Variants in WAPL observed in about 807,000 individuals in gnomAD.
WAPL encodes wings apart-like protein homolog.
WAPL carries 5 observed loss-of-function variants against 121.0 expected under a neutral mutation model. The observed-to-expected ratio is 0.04, with a 90% CI of 0.02 to 0.09. The LOEUF (loss-of-function observed/expected upper bound fraction) is 0.09. WAPL is among the 10% of genes least tolerant of loss of function. The pLI, the probability that WAPL is intolerant of heterozygous loss-of-function variation, is 1.00. For synonymous variants in WAPL, 480 were observed against 481.5 expected (o/e 1.00, Z 0.04); for missense variants, 999 against 1,410.8 (o/e 0.71, Z 4.68).
At chr10:86,438,105 G>T in intron 17 of WAPL, 90 bp from the exon 18 acceptor site, 1 of 902,312 alleles carries the variant, frequency 1.1e-6, no homozygotes, top group Non-Finnish European at 1.7e-6. Flanking sequence ...CACACATCTT[G>T]GTGCAAATTT....
intron 1 of WAPL, among the ~76,000 whole-genome samples, chr10:86,520,837 C>G (rs1452416881): frequency 6.6e-6 from 1 of 151,572 alleles, no homozygotes; most frequent in Non-Finnish European, 1.5e-5. Flanking sequence ...AGCGTCTTCC[C>G]GATCCCCAAA....
chr10:86,505,784 CAAA>C (rs1338548621), intron 2 of WAPL, among the ~76,000 whole-genome samples: 1 of 151,830 alleles, frequency 6.6e-6, no homozygotes, highest in African/African-American at 2.4e-5. Flanking sequence ...AATACAATTT[CAAA>C]AAGAACAAGG....
intron 2 of WAPL, among the ~76,000 whole-genome samples, chr10:86,517,023 C>T (rs1431002935): frequency 1.3e-5 from 2 of 152,020 alleles, no homozygotes; most frequent in African/African-American, 4.8e-5. Flanking sequence ...GCGGAGCCAG[C>T]ATGGGCGACA....
rs779598009 is a variant in WAPL at position 86,453,649 on chromosome 10, AT to A, written c.2833+6del. 4.5e-5 allele frequency: 71 copies of A among 1,591,770 alleles called. No individual in the cohort carries two copies. Among genetic ancestry groups the A allele is most frequent in the Non-Finnish European group, 6.0e-5 (70 of 1,171,888 alleles). ...TTCAATGAGAAAAAAATGGAAAAAA[AT>A]CTTACCATTATCATTAGTTAAATTA... On this transcript the variant is annotated splice_donor_region_variant and intron_variant, in intron 13 of 18. Transcript: ENST00000298767.
rs571832986 is a variant in WAPL at position 86,489,287 on chromosome 10, A to C, written c.1644+7914T>G. On this transcript the variant is annotated intron_variant, in intron 4 of 18. Coordinates refer to ENST00000298767, the MANE Select transcript of WAPL (RefSeq NM_015045.5). ...TTTAGGAGACATGGGGGTGTAGTTT[A>C]GTTGTTTTGCTATAAAGAACATTAC... Among the ~76,000 whole-genome samples, 3 of 152,344 alleles carry C rather than the reference A, an allele frequency of 2.0e-5. No homozygotes were observed. The East Asian group carries it at 5.8e-4, about 29-fold the overall frequency.
chr10:86,436,922 T>TA lies in WAPL; in HGVS notation c.*620dup, dbSNP rs924241871. 4 of 152,570 alleles carry TA rather than the reference T, an allele frequency of 2.6e-5. No homozygotes were observed. The South Asian group carries it at 6.2e-4, about 24-fold the overall frequency. The allele number at this position is 152,570 out of a possible 1,614,324, so 9.5% of individuals were successfully genotyped here. On this transcript the variant is annotated 3_prime_UTR_variant, in exon 19 of 19. Coordinates refer to ENST00000298767, the MANE Select transcript of WAPL (RefSeq NM_015045.5). ...TCAATAACCCAAACCTAATCAAGAA[T>TA]AAAAAAATATACTATTAATCCCGTG... is the stretch of plus-strand genomic sequence containing the variant.
chr10:86,476,381 G>A (rs895983520), intron 4 of WAPL, among the ~76,000 whole-genome samples: 1 of 146,128 alleles, frequency 6.8e-6, no homozygotes, highest in Non-Finnish European at 1.5e-5. Flanking sequence ...TTAAAACACT[G>A]TAAGAGTGCC....
At position 86,437,576 on chromosome 10, in the gene WAPL, G is replaced by C; in HGVS notation, c.3540C>G (p.Ile1180Met). 1 of 1,614,094 alleles carries C rather than the reference G, an allele frequency of 6.2e-7. No homozygotes were observed. The highest frequency in any genetic ancestry group is 8.5e-7 in the Non-Finnish European group (1 of 1,180,008). The change falls in exon 19 of 19, where the codon ATC (isoleucine) becomes ATG (methionine). Residue 1180 changes from isoleucine to methionine, a missense_variant. Physicochemically the swap from Ile to Met is conservative, Grantham distance 10. This residue lies in a region of WAPL where 35 missense variants were observed against 80.3 expected (regional missense o/e 0.44). Coordinates refer to ENST00000298767, the MANE Select transcript of WAPL (RefSeq NM_015045.5). ...GTTCCAAATATTCAATCACTCTAGA[G>C]ATAGATTTCTGGCCAGTTGTTCCAA... ...CAVGTTGQKS[I>M]SRVIEYLEHC
intron 5 of WAPL, among the ~76,000 whole-genome samples, chr10:86,473,560 T>C (rs1841583096): frequency 6.6e-6 from 1 of 152,218 alleles, no homozygotes; most frequent in Admixed American, 6.6e-5. Context: ...ATAGCTCTTA[T>C]ACAAACATCA....
chr10:86,441,497 G>A (rs970353842), intron 17 of WAPL, among the ~76,000 whole-genome samples: 2 of 151,896 alleles, frequency 1.3e-5, no homozygotes, highest in African/African-American at 2.4e-5. Flanking sequence ...AGGGGTGAGA[G>A]TGGCATGGGG....
intron 2 of WAPL, among the ~76,000 whole-genome samples, chr10:86,517,072 A>C (rs1388514174): frequency 6.6e-6 from 1 of 152,174 alleles, no homozygotes; most frequent in African/African-American, 2.4e-5. Flanking sequence ...TATCAATACA[A>C]GTTGATACTG....
chr10:86,458,613 T>G (rs1004004317), intron 12 of WAPL, among the ~76,000 whole-genome samples: 8 of 152,186 alleles, frequency 5.3e-5, no homozygotes, highest in Admixed American at 2.0e-4. Flanking sequence ...TTTAAATTTT[T>G]TATATGTATT....
chr10:86,438,149 C>G, intron 17 of WAPL, 134 bp from the exon 18 acceptor site: 1 of 574,534 alleles, frequency 1.7e-6, no homozygotes, highest in Non-Finnish European at 3.1e-6. Context: ...TATTTATTCT[C>G]TTTCCACACT....
rs372040181 is a variant in WAPL, at chr10:86,487,273, T to C, written c.1644+9928A>G. Reference sequence around the variant, plus strand: ...CATATGACAGCTACAAATAATGGCATGTAGGGAAGCTGTAGCCAGAAATCA... The same window carrying C: ...CATATGACAGCTACAAATAATGGCACGTAGGGAAGCTGTAGCCAGAAATCA... On this transcript the variant is annotated intron_variant, in intron 4 of 18. Coordinates refer to ENST00000298767, the MANE Select transcript of WAPL (RefSeq NM_015045.5). Among the ~76,000 whole-genome samples the C allele has an allele frequency of 3.3e-5, 5 of 152,160 alleles. No homozygotes were observed. In the East Asian group the frequency reaches 5.8e-4, roughly 18 times the overall value.
chr10:86,472,738 A>G lies in WAPL; in HGVS notation c.1767T>C (p.Asn589=), dbSNP rs777878562. Residue 589 remains asparagine, a synonymous_variant, in exon 6 of 19, where the codon AAT becomes AAC. Transcript: ENST00000298767. This position sits in a 1 kb window ranked among gnomAD's most constrained non-coding sequence, Gnocchi z 4.2. ...VTVRLSSKEP[N]QKDDGVFKAP... is the part of the protein sequence containing the mutation. Reference sequence around the variant, plus strand: ...CCTTAAAAACTCCATCATCTTTTTGATTTGGTTCCTTTGAAGACAGCCTCA... The same window carrying G: ...CCTTAAAAACTCCATCATCTTTTTGGTTTGGTTCCTTTGAAGACAGCCTCA... 7 of 1,613,144 alleles carry G rather than the reference A, an allele frequency of 4.3e-6. No homozygotes were observed. Among genetic ancestry groups the G allele is most frequent in the African/African-American group, 1.3e-5 (1 of 74,880 alleles).
intron 4 of WAPL, among the ~76,000 whole-genome samples, chr10:86,478,303 C>G (rs1465568858): frequency 1.3e-5 from 2 of 151,834 alleles, no homozygotes; most frequent in Admixed American, 1.3e-4. Context: ...GTGGCACGTG[C>G]CTGTGGTCCC....
chr10:86,502,525 T>C (rs1010531999), intron 2 of WAPL, among the ~76,000 whole-genome samples: 1 of 152,184 alleles, frequency 6.6e-6, no homozygotes, highest in Non-Finnish European at 1.5e-5. Flanking sequence ...AGACTGGCAA[T>C]GAATTGTTTG....
At chr10:86,440,691 A>C (rs938211933) in intron 17 of WAPL, among the ~76,000 whole-genome samples, 2 of 152,080 alleles carry the variant, frequency 1.3e-5, no homozygotes, top group Non-Finnish European at 1.5e-5. Context: ...TGGAAATAAG[A>C]AAAAGGGATA....
intron 4 of WAPL, among the ~76,000 whole-genome samples, chr10:86,474,513 CA>C (rs11380209): frequency 1.8e-4 from 23 of 130,058 alleles, no homozygotes; most frequent in African/African-American, 1.8e-4. Context: ...GACTCCGTCT[CA>C]AAAAAAAAAA....
Sources: allele counts gnomAD v4.1 joint callset (sites outside exome capture counted in the v4.1 genomes callset), GRCh38; gene constraint gnomAD v4.1.1; regional missense constraint gnomAD v4.1.1; non-coding constraint Gnocchi (gnomAD v3.1); transcripts MANE v1.5; gene names NCBI Gene and HGNC (gene_info 2026-07-23, HGNC 2026-07-21).